The following BDNF variants were observed in gnomAD, a reference collection of about 807,000 sequenced individuals.
BDNF encodes neurotrophic factor BDNF precursor form.
A neutral mutation model predicts 19.5 loss-of-function variants in BDNF; 1 was observed. The ratio of observed to expected loss-of-function variants is 0.05; its 90% CI spans 0.02 to 0.24. BDNF has a LOEUF of 0.24. Among genes scored for constraint, BDNF ranks in the 10% least tolerant of loss-of-function variants. BDNF has a pLI of 1.00. For missense variants in BDNF, 195 were observed against 317.6 expected (o/e 0.61, Z 2.93); for synonymous variants, 100 against 121.6 (o/e 0.82, Z 1.17).
intron 1 of BDNF, among the ~76,000 whole-genome samples, chr11:27,671,686 A>T (rs1855401251): frequency 1.3e-5 from 2 of 152,140 alleles, no homozygotes; most frequent in Admixed American, 6.6e-5. Context: ...TATGGGATAA[A>T]CTTACACAGG....
At chr11:27,690,593 A>G (rs899160445) in intron 1 of BDNF, among the ~76,000 whole-genome samples, 3 of 152,176 alleles carry the variant, frequency 2.0e-5, no homozygotes, top group African/African-American at 2.4e-5. Flanking sequence ...TTCCTATACT[A>G]CACATTTAAG....
Position 27,673,341 on chromosome 11 carries a change from A to G in BDNF, c.-21-14756T>C, listed in dbSNP as rs1264080555. On this transcript the variant is annotated intron_variant, in intron 1 of 1. Transcript: ENST00000356660. ...ATTCTCAGATCCAAGGATAAAGGGA[A>G]TCCCCCTTTAAGAAAAGATGTTGGC... 2.0e-5 allele frequency among the ~76,000 whole-genome samples: 3 copies of G among 152,190 alleles called. No individual in the cohort carries two copies. In the East Asian group the frequency reaches 5.8e-4, roughly 29 times the overall value.
chr11:27,695,738 C>T (rs2134048216), intron 1 of BDNF, among the ~76,000 whole-genome samples: 1 of 152,086 alleles, frequency 6.6e-6, no homozygotes, highest in Admixed American at 6.6e-5. Flanking sequence ...TCCTGTCCCA[C>T]ACTCAGCCCC....
At chr11:27,667,014 A>G (rs1285501160) in intron 1 of BDNF, among the ~76,000 whole-genome samples, 1 of 152,244 alleles carries the variant, frequency 6.6e-6, no homozygotes, top group Non-Finnish European at 1.5e-5. Flanking sequence ...AAGTGCAGCG[A>G]GAGAGAAAGG....
chr11:27,659,356 T>C, intron 1 of BDNF: 1 of 1,000,414 alleles, frequency 1.0e-6, no homozygotes, highest in Non-Finnish European at 1.2e-6. Context: ...AATGTTTTGC[T>C]TATTTCTAAA....
At chr11:27,691,463 T>C (rs1166515882) in intron 1 of BDNF, among the ~76,000 whole-genome samples, 1 of 152,158 alleles carries the variant, frequency 6.6e-6, no homozygotes. Context: ...ATAACATTCT[T>C]ACTTTAAGAA....
At chr11:27,679,406 T>G (rs1856585810) in intron 1 of BDNF, among the ~76,000 whole-genome samples, 1 of 152,218 alleles carries the variant, frequency 6.6e-6, no homozygotes, top group African/African-American at 2.4e-5. Flanking sequence ...AATTAGTCAT[T>G]TATTCATTCA....
chr11:27,721,580 T>G, exon 1 of BDNF: 5 of 744,176 alleles, frequency 6.7e-6, no homozygotes, highest in Non-Finnish European at 1.2e-5. Flanking sequence ...CCCTTTGCAA[T>G]ATCCGCAAGC....
At chr11:27,698,226 C>CAAAAAAAAAAAAAAAAAAAAAAAAAAAAA (rs10626744) in intron 1 of BDNF, 2 of 80,784 alleles carry the variant, frequency 2.5e-5, no homozygotes, top group African/African-American at 4.0e-5. Context: ...GTAAATTTCC[C>CAAAAAAAAAAAAAAAAAAAAAAAAAAAAA]AAAAAAAAAA....
At chr11:27,710,856 G>A (rs1287153939) in intron 1 of BDNF, among the ~76,000 whole-genome samples, 1 of 152,188 alleles carries the variant, frequency 6.6e-6, no homozygotes, top group Non-Finnish European at 1.5e-5. Context: ...CAACTAACTT[G>A]GAACTGCCCT....
chr11:27,666,346 A>G (rs1854334325), intron 1 of BDNF, among the ~76,000 whole-genome samples: 1 of 152,234 alleles, frequency 6.6e-6, no homozygotes, highest in Non-Finnish European at 1.5e-5. Context: ...TGAAAATTCT[A>G]AAAATCAGAG....
intron 1 of BDNF, among the ~76,000 whole-genome samples, chr11:27,718,925 T>A (rs1173145565): frequency 6.6e-6 from 1 of 151,456 alleles, no homozygotes; most frequent in East Asian, 2.0e-4. Context: ...GGGGGAGGAG[T>A]CCAGAACGAC....
chr11:27,656,890 A>G lies in BDNF; in HGVS notation c.*931T>C, dbSNP rs1852624360. On this transcript the variant is annotated 3_prime_UTR_variant, in exon 2 of 2. Transcript: ENST00000356660. ...GTGTTCACTTGTTCACAGCAGTGGT[A>G]AAATATTTCAGAACGCGCAACTGAT... 1.0e-6 allele frequency: 1 copy of G among 985,228 alleles called. No homozygotes were observed. Among genetic ancestry groups the G allele is most frequent in the Admixed American group, 6.1e-5 (1 of 16,264 alleles). 61.0% of individuals were successfully genotyped at this position (985,228 alleles called of 1,614,324 possible).
rs10626744 is a variant in BDNF, at chr11:27,698,226, C to CAAAAAAAAAAAAAAAAAAAA, written c.-22+1918_-22+1937dup. 1.9e-4 allele frequency: 15 copies of CAAAAAAAAAAAAAAAAAAAA among 80,822 alleles called. 4 individuals carry two copies. The highest frequency in any genetic ancestry group is 4.9e-4 in the East Asian group (1 of 2,058). 5.0% of individuals were successfully genotyped at this position (80,822 alleles called of 1,614,324 possible). ...CCTGCTAACCCAGAGGTAAATTTCC[C>CAAAAAAAAAAAAAAAAAAAA]AAAAAAAAAAAAAAAAAAAAAAAAA... On this transcript the variant is annotated intron_variant, in intron 1 of 1. Transcript: ENST00000356660.
chr11:27,699,789 TCA>T (rs1476632012), intron 1 of BDNF: 5 of 1,049,138 alleles, frequency 4.8e-6, no homozygotes, highest in Non-Finnish European at 6.2e-6. Context: ...CACCCTCCCC[TCA>T]GTCAGGACCC....
chr11:27,690,515 TTAA>T (rs879712439), intron 1 of BDNF, among the ~76,000 whole-genome samples: 1 of 152,008 alleles, frequency 6.6e-6, no homozygotes, highest in Non-Finnish European at 1.5e-5. Context: ...TATTTCTGAG[TTAA>T]TGATGCCAAA....
intron 1 of BDNF, among the ~76,000 whole-genome samples, chr11:27,670,790 C>G (rs987160041): frequency 6.6e-6 from 1 of 152,292 alleles, no homozygotes; most frequent in Non-Finnish European, 1.5e-5. Context: ...GAAATAGGAA[C>G]ACTTTTACAC....
At position 27,657,129 on chromosome 11, in the gene BDNF, C is replaced by T. The variant is rs114775469; in HGVS notation, c.*692G>A. On this transcript the variant is annotated 3_prime_UTR_variant, in exon 2 of 2. Transcript: ENST00000356660. This position sits in a 1 kb window ranked among gnomAD's most constrained non-coding sequence, Gnocchi z 5.0. ...TTTATTCACTTTCTAGTCATCTGAT[C>T]GATATTGCAAACATCTTCACAACAT... 6.1e-4 allele frequency: 599 copies of T among 983,582 alleles called. 5 individuals are homozygous for T. In the African/African-American group the frequency reaches 9.7e-3, roughly 16 times the overall value. 60.9% of individuals were successfully genotyped at this position (983,582 alleles called of 1,614,324 possible). A position where few individuals can be genotyped will look rare whatever the true frequency, so the allele number is the denominator to read the frequency against.
At chr11:27,667,871 TAAC>T (rs1854636820) in intron 1 of BDNF, among the ~76,000 whole-genome samples, 1 of 151,984 alleles carries the variant, frequency 6.6e-6, no homozygotes, top group Non-Finnish European at 1.5e-5. Context: ...GACAGAAAAT[TAAC>T]AAAGATATCC....
Sources: allele counts gnomAD v4.1 joint callset (sites outside exome capture counted in the v4.1 genomes callset), GRCh38; gene constraint gnomAD v4.1.1; non-coding constraint Gnocchi (gnomAD v3.1); transcripts MANE v1.5; gene names NCBI Gene and HGNC (gene_info 2026-07-23, HGNC 2026-07-21).